NLRC3: variants seen among roughly 807,000 people sequenced by gnomAD.
The protein encoded by NLRC3 is NLR family CARD domain containing 3.
A neutral mutation model predicts 91.6 loss-of-function variants in NLRC3; 87 were observed. The observed-to-expected ratio is 0.95, with a 90% CI of 0.80 to 1.14. The LOEUF is 1.14. Among genes scored for constraint, NLRC3 ranks in the 50% most tolerant of loss-of-function variants. The pLI is 0.00. For missense variants in NLRC3, 1,577 were observed against 1,418.6 expected, an observed-to-expected ratio of 1.11 and a Z score of -1.79; for synonymous variants, 694 against 625.3, an observed-to-expected ratio of 1.11 and a Z score of -1.64.
At chr16:3,550,322 C>A in intron 11 of NLRC3, 92 bp downstream of exon 11, 2 of 788,850 alleles carry the variant, frequency 2.5e-6, no homozygotes, top group East Asian at 2.6e-5. Flanking sequence ...AGGGAAATGG[C>A]CCTGGGGGAC....
chr16:3,573,011 CA>C (rs58940028), intron 1 of NLRC3, among the ~76,000 whole-genome samples: 1,251 of 75,250 alleles, frequency 0.017, 6 homozygotes, highest in African/African-American at 0.043. Flanking sequence ...GACTCTATCT[CA>C]AAAAAAAAAA....
At chr16:3,551,229 C>T (rs2038980346) in intron 10 of NLRC3, among the ~76,000 whole-genome samples, 1 of 151,632 alleles carries the variant, frequency 6.6e-6, no homozygotes, top group Non-Finnish European at 1.5e-5. Flanking sequence ...TTCATCCATC[C>T]ATCCACCCAC....
intron 1 of NLRC3, among the ~76,000 whole-genome samples, chr16:3,574,731 TG>T (rs1322267772): frequency 2.0e-5 from 3 of 152,044 alleles, no homozygotes; most frequent in Non-Finnish European, 4.4e-5. Context: ...GAGGCTGAGG[TG>T]GGCAGATCAC....
Position 3,561,713 on chromosome 16 carries a change from A to C in NLRC3, c.2004T>G (p.Ile668Met), listed in dbSNP as rs892121252. ...TGGGTCTGTGTTACCTGATCTTCTG[A>C]ATGCGACAGTCCTTCCCACTCAGCA... ...GSVLSGKDCR[I>M]QKISLAENQI... The change falls in exon 6 of 20, where the codon ATT becomes ATG. Residue 668 changes from isoleucine to methionine, a missense_variant. Coordinates refer to ENST00000359128, the MANE Select transcript of NLRC3 (RefSeq NM_178844.4). The C allele has an allele frequency of 1.1e-5, 18 of 1,612,248 alleles. No individual in the cohort carries two copies. The highest frequency in any genetic ancestry group is 1.4e-5 in the Non-Finnish European group (16 of 1,178,654).
chr16:3,568,478 C>A (rs1370383753), intron 1 of NLRC3, among the ~76,000 whole-genome samples: 1 of 152,210 alleles, frequency 6.6e-6, no homozygotes, highest in Non-Finnish European at 1.5e-5. Flanking sequence ...CATTCCAGCA[C>A]TTTGGGAGGC....
intron 1 of NLRC3, among the ~76,000 whole-genome samples, chr16:3,576,855 A>G (rs2040320846): frequency 6.6e-6 from 1 of 152,054 alleles, no homozygotes; most frequent in African/African-American, 2.4e-5. Flanking sequence ...TTTTTAGTAG[A>G]GATGGGGTTT....
In NLRC3 at chr16:3,563,279, C is replaced by A; in HGVS notation, c.1658G>T (p.Cys553Phe). 6.2e-7 allele frequency: 1 copy of A among 1,604,236 alleles called. No homozygotes were observed. Among genetic ancestry groups the A allele is most frequent in the South Asian group, 1.1e-5 (1 of 89,810 alleles). ...RTQVAELLQG[C>F]LRPDAAVCAR... ...ACAGACTGCGGCATCGGGGCGCAGG[C>A]AGCCCTGCAGGAGCTCAGCCACCTG... Residue 553 changes from cysteine (C) to phenylalanine (F), a missense_variant, in exon 5 of 20, where the codon TGC (cysteine) becomes TTC (phenylalanine). By Grantham distance (205) the Cys-to-Phe change is radical. Coordinates refer to ENST00000359128, the MANE Select transcript of NLRC3 (RefSeq NM_178844.4).
At chr16:3,569,400 T>TA (rs1368517025) in intron 1 of NLRC3, among the ~76,000 whole-genome samples, 143 of 76,936 alleles carry the variant, frequency 1.9e-3, no homozygotes, top group Non-Finnish European at 3.4e-3. Flanking sequence ...ATATATTATT[T>TA]TTTTTTTTTT....
intron 1 of NLRC3, among the ~76,000 whole-genome samples, chr16:3,572,780 AG>A: frequency 6.6e-6 from 1 of 152,228 alleles, no homozygotes; most frequent in South Asian, 2.1e-4. Context: ...TGGGAGGCCA[AG>A]GCAGGCAGAT....
At chr16:3,557,025 C>G (rs960281775) in intron 7 of NLRC3, 31 bp from the exon 8 acceptor site, 10 of 1,468,776 alleles carry the variant, frequency 6.8e-6, no homozygotes, top group Admixed American at 5.1e-5. Flanking sequence ...ACACCTCCTT[C>G]ATCTGTCTCC....
chr16:3,556,699 C>T (rs536140910), intron 8 of NLRC3, among the ~76,000 whole-genome samples: 3 of 152,144 alleles, frequency 2.0e-5, no homozygotes, highest in African/African-American at 4.8e-5. Flanking sequence ...GATGCCATTT[C>T]GCCATGTTGG....
Position 3,556,386 on chromosome 16 carries a change from C to T in NLRC3, c.2183+525G>A, listed in dbSNP as rs532697265. On this transcript the variant is annotated intron_variant, in intron 8 of 19. Coordinates refer to ENST00000359128, the MANE Select transcript of NLRC3 (RefSeq NM_178844.4). ...TAACAAACCACATCACAACTCTGTC[C>T]CCTGCTCAGGCCACACACACAGGCT... Among the ~76,000 whole-genome samples the T allele has an allele frequency of 5.9e-4, 88 of 149,232 alleles. 2 individuals are homozygous for T. In the South Asian group the frequency reaches 0.018, roughly 31 times the overall value.
intron 1 of NLRC3, among the ~76,000 whole-genome samples, chr16:3,568,550 C>A (rs975765476): frequency 6.6e-6 from 1 of 152,028 alleles, no homozygotes; most frequent in Non-Finnish European, 1.5e-5. Context: ...GTAGTGAGAC[C>A]GTAGCTCTAC....
In NLRC3 at chr16:3,561,800, G is replaced by A. The variant is rs770388886; in HGVS notation, c.1929-12C>T. On this transcript the variant is annotated splice_polypyrimidine_tract_variant and intron_variant, in intron 5 of 19. Coordinates refer to ENST00000359128, the MANE Select transcript of NLRC3 (RefSeq NM_178844.4). Reference sequence around the variant, plus strand: ...GGTTGGTGTCCAGCCTGGCCAAGGGGAGCAGTGACAGTGAGTGTCCCACCC... The same window carrying A: ...GGTTGGTGTCCAGCCTGGCCAAGGGAAGCAGTGACAGTGAGTGTCCCACCC... 9 of 1,608,480 alleles carry A rather than the reference G, an allele frequency of 5.6e-6. No individual in the cohort carries two copies. Among genetic ancestry groups the A allele is most frequent in the East Asian group, 4.5e-5 (2 of 44,840 alleles).
At chr16:3,570,749 A>G (rs185701075) in intron 1 of NLRC3, among the ~76,000 whole-genome samples, 1 of 152,314 alleles carries the variant, frequency 6.6e-6, no homozygotes, top group East Asian at 1.9e-4. Context: ...TGTTGCTGGA[A>G]CATGGTAAGT....
intron 1 of NLRC3, among the ~76,000 whole-genome samples, chr16:3,567,644 C>T (rs545989132): frequency 5.9e-5 from 9 of 151,334 alleles, no homozygotes; most frequent in Non-Finnish European, 5.9e-5. Flanking sequence ...TGGTGGTGGG[C>T]GCCTGTAATC....
In NLRC3 at chr16:3,564,584, G is replaced by C. The variant is rs1386739676; in HGVS notation, c.353C>G (p.Pro118Arg). The change falls in exon 5 of 20, where the codon CCC becomes CGC. Residue 118 changes from proline to arginine, a missense_variant. By Grantham distance (103) the Pro-to-Arg change is moderately radical (BLOSUM62 -2). Transcript: ENST00000359128. This position sits in a 1 kb window ranked among gnomAD's most constrained non-coding sequence, Gnocchi z 5.9. ...QVEATRGGGH[P>R]ARTVALDRLF... Reference sequence around the variant, plus strand: ...CCGGTCCAGGGCGACGGTCCTGGCGGGGTGCCCGCCCCCGCGGGTGGCCTC... The same window carrying C: ...CCGGTCCAGGGCGACGGTCCTGGCGCGGTGCCCGCCCCCGCGGGTGGCCTC... 6.2e-7 allele frequency: 1 copy of C among 1,611,576 alleles called. No homozygotes were observed. Among genetic ancestry groups the C allele is most frequent in the African/African-American group, 1.3e-5 (1 of 74,938 alleles).
chr16:3,549,063 G>A, intron 13 of NLRC3, 79 bp downstream of exon 13: 1 of 1,109,806 alleles, frequency 9.0e-7, no homozygotes, highest in Non-Finnish European at 1.3e-6. Flanking sequence ...ACGTGGCGAG[G>A]GTGCCCGTCA....
chr16:3,557,044 G>A, intron 7 of NLRC3, 50 bp from the exon 8 acceptor site: 2 of 1,334,104 alleles, frequency 1.5e-6, no homozygotes, highest in Non-Finnish European at 2.2e-6. Context: ...CCCAGAGAGG[G>A]AAGGGGAAAC....
Sources: allele counts gnomAD v4.1 joint callset (sites outside exome capture counted in the v4.1 genomes callset), GRCh38; gene constraint gnomAD v4.1.1; non-coding constraint Gnocchi (gnomAD v3.1); transcripts MANE v1.5; gene names NCBI Gene and HGNC (gene_info 2026-07-23, HGNC 2026-07-21).